The following GPD2 variants were observed in gnomAD, a reference collection of about 807,000 sequenced individuals.
GPD2 encodes the protein glycerol-3-phosphate dehydrogenase 2, also known as glycerol-3-phosphate dehydrogenase, mitochondrial.
In GPD2, 54 loss-of-function variants were observed where a neutral mutation model predicts 82.4. The ratio of observed to expected loss-of-function variants is 0.66; its 90% confidence interval spans 0.53 to 0.82. The LOEUF is 0.82. Ranked by LOEUF, GPD2 falls within the 40% of genes least tolerant of loss-of-function variation. The pLI is 0.00. For missense variants in GPD2, 748 were observed against 896.2 expected (o/e 0.83, Z 2.11); for synonymous variants, 288 against 306.1 (o/e 0.94, Z 0.62).
At chr2:156,559,540 G>A (rs1457646978) in intron 9 of GPD2, among the ~76,000 whole-genome samples, 1 of 151,686 alleles carries the variant, frequency 6.6e-6, no homozygotes, top group Non-Finnish European at 1.5e-5. Flanking sequence ...TTTTTTTTTG[G>A]TTATGTGATC....
At chr2:156,549,545 T>C in intron 6 of GPD2, 63 bp from the exon 7 acceptor site, 1 of 1,406,230 alleles carries the variant, frequency 7.1e-7, no homozygotes, top group Non-Finnish European at 1.0e-6. Flanking sequence ...GACACACTTT[T>C]GTACCACCAG....
chr2:156,531,242 A>T (rs1685846660), intron 6 of GPD2, among the ~76,000 whole-genome samples: 2 of 152,100 alleles, frequency 1.3e-5, no homozygotes, highest in Admixed American at 1.3e-4. Context: ...ATATATATGT[A>T]TTTAAAATCC....
At chr2:156,484,875 A>G (rs1421313179) in intron 2 of GPD2, among the ~76,000 whole-genome samples, 3 of 152,050 alleles carry the variant, frequency 2.0e-5, no homozygotes, top group Non-Finnish European at 2.9e-5. Flanking sequence ...ACAAAACCCA[A>G]TTCTTTCCTT....
At chr2:156,436,171 G>T (rs1017388500), upstream of GPD2, among the ~76,000 whole-genome samples, 4 of 152,322 alleles carry the variant, frequency 2.6e-5, no homozygotes, top group East Asian at 3.9e-4. Context: ...CGCCAACCCC[G>T]GCCCCGGTTC....
At chr2:156,579,429 A>G (rs1687949921) in intron 15 of GPD2, among the ~76,000 whole-genome samples, 1 of 151,086 alleles carries the variant, frequency 6.6e-6, no homozygotes, top group Admixed American at 6.6e-5. Flanking sequence ...CCTGGGTTCA[A>G]GCGGTTCTCC....
At chr2:156,465,361 C>CTTTT (rs67390264) in intron 1 of GPD2, among the ~76,000 whole-genome samples, 2 of 114,912 alleles carry the variant, frequency 1.7e-5, no homozygotes, top group African/African-American at 7.3e-5. Context: ...TTCTTTCTTT[C>CTTTT]TTTTTTTTTT....
chr2:156,452,258 G>A (rs903738905), intron 1 of GPD2, among the ~76,000 whole-genome samples: 3 of 152,248 alleles, frequency 2.0e-5, no homozygotes. Context: ...CTCCAGCCTG[G>A]GCACCATTGA....
chr2:156,442,290 A>G (rs1163944593), intron 1 of GPD2, among the ~76,000 whole-genome samples: 1 of 152,200 alleles, frequency 6.6e-6, no homozygotes. Context: ...ATGCTTTGCT[A>G]CTTGTATCTG....
intron 9 of GPD2, among the ~76,000 whole-genome samples, chr2:156,564,684 G>T (rs191128704): frequency 1.5e-4 from 23 of 152,156 alleles, no homozygotes; most frequent in African/African-American, 4.8e-4. Context: ...TAGATAACCT[G>T]ATCCAACCAC....
At chr2:156,579,276 A>G (rs1258093462) in intron 15 of GPD2, 112 bp downstream of exon 15, 11 of 705,448 alleles carry the variant, frequency 1.6e-5, no homozygotes, top group Non-Finnish European at 2.7e-5. Context: ...AATTTTTAAA[A>G]GATTTAGTAA....
intron 6 of GPD2, among the ~76,000 whole-genome samples, chr2:156,524,398 A>G (rs1685530995): frequency 1.3e-5 from 2 of 152,162 alleles, no homozygotes; most frequent in African/African-American, 2.4e-5. Flanking sequence ...GGGTCCTTCT[A>G]TATAGTTATA....
At chr2:156,521,831 T>C (rs750786720) in intron 6 of GPD2, among the ~76,000 whole-genome samples, 16 of 152,368 alleles carry the variant, frequency 1.1e-4, no homozygotes, top group Admixed American at 2.6e-4. Flanking sequence ...CTTGTTCATA[T>C]GCAATTTTAC....
intron 1 of GPD2, among the ~76,000 whole-genome samples, chr2:156,444,606 G>A (rs752940086): frequency 6.6e-5 from 10 of 152,014 alleles, no homozygotes; most frequent in South Asian, 2.1e-4. Flanking sequence ...CTAGCTACTC[G>A]GGAGGCTGAG....
intron 2 of GPD2, among the ~76,000 whole-genome samples, chr2:156,483,260 G>T (rs554227565): frequency 3.9e-5 from 6 of 152,254 alleles, no homozygotes; most frequent in Non-Finnish European, 8.8e-5. Flanking sequence ...TGTGAATGTG[G>T]CTGGGTTTTG....
the GPD2 span, among the ~76,000 whole-genome samples, chr2:156,424,847 A>G: frequency 6.6e-6 from 1 of 152,200 alleles, no homozygotes; most frequent in African/African-American, 2.4e-5. Flanking sequence ...TACCACTTTT[A>G]TTTATGCTAA....
chr2:156,462,749 A>G (rs1683034115), intron 1 of GPD2, among the ~76,000 whole-genome samples: 1 of 152,224 alleles, frequency 6.6e-6, no homozygotes, highest in Non-Finnish European at 1.5e-5. Context: ...TTAGAGCCAG[A>G]ACATTGAAAA....
intron 6 of GPD2, among the ~76,000 whole-genome samples, chr2:156,525,242 A>G (rs56051278): frequency 0.22 from 33,953 of 152,136 alleles, 4,388 homozygotes; most frequent in South Asian, 0.32. Context: ...TGATGTTCAT[A>G]TTGCCCATCT....
intron 13 of GPD2, among the ~76,000 whole-genome samples, chr2:156,574,469 G>T (rs1307191707): frequency 1.3e-5 from 2 of 152,062 alleles, no homozygotes; most frequent in African/African-American, 4.8e-5. Flanking sequence ...ACATATTTTG[G>T]GAAATGCTGC....
intron 1 of GPD2, among the ~76,000 whole-genome samples, chr2:156,469,527 A>T (rs923039521): frequency 6.6e-6 from 1 of 152,072 alleles, no homozygotes; most frequent in African/African-American, 2.4e-5. Flanking sequence ...CATTTTTGTT[A>T]TCCATTTGTC....
Sources: allele counts gnomAD v4.1 joint callset (sites outside exome capture counted in the v4.1 genomes callset), GRCh38; gene constraint gnomAD v4.1.1; transcripts MANE v1.5; gene names NCBI Gene and HGNC (gene_info 2026-07-23, HGNC 2026-07-21).